LRP1B: variants seen among roughly 807,000 people sequenced by gnomAD.
The protein encoded by LRP1B is low-density lipoprotein receptor-related protein 1B.
In LRP1B, 217 loss-of-function variants were observed where a neutral mutation model predicts 556.6. The ratio of observed to expected loss-of-function variants is 0.39; its 90% confidence interval spans 0.35 to 0.44. LRP1B has a LOEUF of 0.44. LRP1B is among the 20% of genes least tolerant of loss of function. LRP1B has a pLI of 1.00. For missense variants in LRP1B, 5,053 were observed against 5,620.8 expected, an observed-to-expected ratio of 0.90 and a Z score of 3.23; for synonymous variants, 2,047 against 1,865.8, an observed-to-expected ratio of 1.10 and a Z score of -2.50.
intron 8 of LRP1B, among the ~76,000 whole-genome samples, 166 bp downstream of exon 8, chr2:141,061,885 T>C (rs942924828): frequency 1.3e-5 from 2 of 151,866 alleles, no homozygotes; most frequent in African/African-American, 4.8e-5. Flanking sequence ...TGTGGAAATA[T>C]CACAATATCA....
chr2:142,058,895 A>C lies in LRP1B; in HGVS notation c.82+71753T>G, dbSNP rs531369255. Reference sequence around the variant, plus strand: ...CTCTCTCATTATTTTCTGAGTGTGTAACTTCGAGAAAGTTATTTCATCTTT... The same window carrying C: ...CTCTCTCATTATTTTCTGAGTGTGTCACTTCGAGAAAGTTATTTCATCTTT... On this transcript the variant is annotated intron_variant, in intron 1 of 90. Coordinates refer to ENST00000389484, the MANE Select transcript of LRP1B (RefSeq NM_018557.3). 5.3e-5 allele frequency among the ~76,000 whole-genome samples: 8 copies of C among 152,242 alleles called. 1 individual carries two copies. The highest frequency in any genetic ancestry group is 1.9e-4 in the African/African-American group (8 of 41,566).
intron 1 of LRP1B, among the ~76,000 whole-genome samples, chr2:141,839,979 C>T (rs1220952855): frequency 6.6e-6 from 1 of 152,016 alleles, no homozygotes. Flanking sequence ...AAATTAATAG[C>T]CCTGGAATGA....
intron 3 of LRP1B, among the ~76,000 whole-genome samples, chr2:141,444,046 G>A (rs1376198695): frequency 6.6e-6 from 1 of 151,890 alleles, no homozygotes; most frequent in Non-Finnish European, 1.5e-5. Context: ...TCATGATATT[G>A]ATTCTTCCTA....
chr2:140,439,220 C>A (rs1011457943), intron 66 of LRP1B, among the ~76,000 whole-genome samples: 1 of 152,112 alleles, frequency 6.6e-6, no homozygotes, highest in Non-Finnish European at 1.5e-5. Context: ...GGAGCTGCTA[C>A]AATTGGGATA....
At chr2:141,954,909 C>T (rs963762656) in intron 1 of LRP1B, among the ~76,000 whole-genome samples, 1 of 151,926 alleles carries the variant, frequency 6.6e-6, no homozygotes, top group South Asian at 2.1e-4. Context: ...TTCAATATTA[C>T]TTATGGGATG....
chr2:141,388,134 T>C (rs1363624360), intron 3 of LRP1B, among the ~76,000 whole-genome samples: 2 of 152,196 alleles, frequency 1.3e-5, no homozygotes, highest in Non-Finnish European at 1.5e-5. Context: ...AATCACTCTT[T>C]CATTAAAATA....
At chr2:140,420,160 GA>G (rs773436187) in intron 66 of LRP1B, among the ~76,000 whole-genome samples, 59 of 149,622 alleles carry the variant, frequency 3.9e-4, no homozygotes, top group African/African-American at 1.3e-3. Context: ...ATTTATAGCA[GA>G]AAAAAAAACT....
At chr2:141,408,342 C>T (rs1044385743) in intron 3 of LRP1B, among the ~76,000 whole-genome samples, 4 of 151,916 alleles carry the variant, frequency 2.6e-5, no homozygotes, top group Non-Finnish European at 5.9e-5. Flanking sequence ...GATGGCGTTT[C>T]ACCATGTTAG....
intron 3 of LRP1B, among the ~76,000 whole-genome samples, chr2:141,406,900 G>GA (rs1690663547): frequency 6.6e-6 from 1 of 152,090 alleles, no homozygotes; most frequent in African/African-American, 2.4e-5. Flanking sequence ...TCTTCTCAGA[G>GA]AAAGCTATTA....
chr2:140,491,794 C>G (rs1299699603), intron 57 of LRP1B, among the ~76,000 whole-genome samples: 1 of 151,950 alleles, frequency 6.6e-6, no homozygotes, highest in African/African-American at 2.4e-5. Context: ...TTTACTCAGT[C>G]TTGTAAGATT....
intron 84 of LRP1B, among the ~76,000 whole-genome samples, chr2:140,280,265 T>TA (rs1322633395): frequency 6.6e-6 from 1 of 151,746 alleles, no homozygotes; most frequent in Non-Finnish European, 1.5e-5. Flanking sequence ...TAGTAATTAG[T>TA]AGCACTAAAA....
intron 3 of LRP1B, among the ~76,000 whole-genome samples, chr2:141,310,281 T>G (rs2105447563): frequency 6.6e-6 from 1 of 152,328 alleles, no homozygotes; most frequent in Admixed American, 6.5e-5. Context: ...CAATCTTTGG[T>G]TTAAACCTTG....
chr2:141,585,791 G>C (rs1196331887), intron 2 of LRP1B, among the ~76,000 whole-genome samples: 1 of 151,930 alleles, frequency 6.6e-6, no homozygotes, highest in Non-Finnish European at 1.5e-5. Flanking sequence ...AAATTTTCTT[G>C]AGAGATGGGT....
At chr2:140,680,274 G>A (rs537873958) in intron 41 of LRP1B, among the ~76,000 whole-genome samples, 5 of 152,224 alleles carry the variant, frequency 3.3e-5, no homozygotes, top group Non-Finnish European at 4.4e-5. Context: ...AGCTTTAAAT[G>A]TATACGTGCA....
At chr2:141,634,573 C>T (rs1159532182) in intron 2 of LRP1B, among the ~76,000 whole-genome samples, 2 of 151,968 alleles carry the variant, frequency 1.3e-5, no homozygotes, top group African/African-American at 2.4e-5. Flanking sequence ...TATTTCAATG[C>T]TTCTCTTATA....
chr2:141,518,632 A>G (rs184825618), intron 2 of LRP1B, among the ~76,000 whole-genome samples: 82 of 152,232 alleles, frequency 5.4e-4, no homozygotes, highest in African/African-American at 1.9e-3. Flanking sequence ...ATCACTTCCA[A>G]CGTGAGTGGT....
chr2:141,941,562 C>T (rs141023410), intron 1 of LRP1B, among the ~76,000 whole-genome samples: 2 of 152,282 alleles, frequency 1.3e-5, no homozygotes, highest in East Asian at 3.9e-4. Context: ...TAGAGGTTAG[C>T]AGCTCAGCTT....
intron 1 of LRP1B, among the ~76,000 whole-genome samples, chr2:142,060,874 G>A (rs1040363561): frequency 6.6e-6 from 1 of 151,942 alleles, no homozygotes; most frequent in African/African-American, 2.4e-5. Flanking sequence ...TGCTCTTTGA[G>A]AGATATGAGG....
intron 3 of LRP1B, among the ~76,000 whole-genome samples, chr2:141,397,854 T>C (rs1032913894): frequency 1.3e-5 from 2 of 151,052 alleles, no homozygotes; most frequent in East Asian, 1.9e-4. Flanking sequence ...ACATTTTATA[T>C]ATATACATTT....
Sources: gnomAD v4.1 joint callset for allele counts (sites outside exome capture counted in the v4.1 genomes callset) on GRCh38, gnomAD v4.1.1 for gene constraint, MANE v1.5 for transcripts, NCBI Gene and HGNC (gene_info 2026-07-23, HGNC 2026-07-21) for gene names.